Variants in PRRC2B observed in about 807,000 individuals in gnomAD.
PRRC2B encodes proline rich coiled-coil 2B.
A neutral mutation model predicts 242.3 loss-of-function variants in PRRC2B; 68 were observed. The ratio of observed to expected loss-of-function variants is 0.28; its 90% CI spans 0.23 to 0.34. The LOEUF is 0.34. Ranked by LOEUF, PRRC2B falls within the 10% of genes least tolerant of loss-of-function variation. PRRC2B has a pLI of 1.00. For missense variants in PRRC2B, 2,835 were observed against 2,954.8 expected (o/e 0.96, Z 0.94); for synonymous variants, 1,228 against 1,173.6 (o/e 1.05, Z -0.95).
At chr9:131,491,322 C>G (rs1944187395) in intron 28 of PRRC2B, 103 bp from the exon 29 acceptor site, 1 of 1,164,854 alleles carries the variant, frequency 8.6e-7, no homozygotes, top group African/African-American at 1.6e-5. Flanking sequence ...TTTAGTTCTT[C>G]TGAAGTGTAT....
chr9:131,404,075 C>G (rs1467165840), intron 1 of PRRC2B, among the ~76,000 whole-genome samples: 1 of 152,036 alleles, frequency 6.6e-6, no homozygotes, highest in African/African-American at 2.4e-5. Context: ...GCCACCACAC[C>G]CAGCCATTTT....
chr9:131,475,849 C>A lies in PRRC2B; in HGVS notation c.3720C>A (p.Gly1240=), dbSNP rs768780976. ...CAGGCAGCTCTTGGCAGGAATATGGCCCTTCCGACACATGCGGATCCCGGC... is the reference window on the plus strand; with the variant it reads ...CAGGCAGCTCTTGGCAGGAATATGGACCTTCCGACACATGCGGATCCCGGC... ...KSPGSSWQEY[G]PSDTCGSRRP... Residue 1240 remains glycine (G), a synonymous_variant, in exon 16 of 32, where the codon GGC becomes GGA. Transcript: ENST00000683519. 1.2e-6 allele frequency: 2 copies of A among 1,613,590 alleles called. No homozygotes were observed. Among genetic ancestry groups the A allele is most frequent in the African/African-American group, 1.3e-5 (1 of 75,030 alleles).
At chr9:131,456,472 A>G (rs1227958147) in intron 10 of PRRC2B, among the ~76,000 whole-genome samples, 1 of 152,020 alleles carries the variant, frequency 6.6e-6, no homozygotes, top group East Asian at 1.9e-4. Flanking sequence ...TCTACTAAAA[A>G]TACAAAAAAC....
chr9:131,474,763 G>A lies in PRRC2B; in HGVS notation c.2634G>A (p.Glu878=). 6.2e-7 allele frequency: 1 copy of A among 1,612,696 alleles called. No individual in the cohort carries two copies. Among genetic ancestry groups the A allele is most frequent in the Non-Finnish European group, 8.5e-7 (1 of 1,179,602 alleles). ...GTTGGGATGTTAGCCACCAGCCAGA[G>A]ACCGCTGACACAGCCCATGGTGTTG... ...CGSWDVSHQP[E]TADTAHGVER... The change falls in exon 16 of 32, where the codon GAG becomes GAA. Residue 878 remains glutamate (E), a synonymous_variant. Coordinates refer to ENST00000683519, the MANE Select transcript of PRRC2B (RefSeq NM_013318.4).
intron 1 of PRRC2B, among the ~76,000 whole-genome samples, chr9:131,420,463 T>TTCTTTCTCTCTTTCTC (rs1564278495): frequency 1.1e-4 from 1 of 9,362 alleles, no homozygotes; most frequent in Non-Finnish European, 3.8e-4. Context: ...TTTTCTTTCT[T>TTCTTTCTCTCTTTCTC]TCTTTCTTTC....
chr9:131,491,976 G>A (rs895290238), intron 29 of PRRC2B, among the ~76,000 whole-genome samples, 193 bp from the exon 30 acceptor site: 2 of 152,240 alleles, frequency 1.3e-5, no homozygotes, highest in Admixed American at 1.3e-4. Context: ...CCGGGCTGCA[G>A]AGCTGTACTG....
chr9:131,478,340 C>T (rs1943763012), intron 17 of PRRC2B, 134 bp from the exon 18 acceptor site: 2 of 851,452 alleles, frequency 2.3e-6, no homozygotes, highest in Non-Finnish European at 3.8e-6. Flanking sequence ...TCAGAGGCGG[C>T]CTGAGAAAAG....
intron 1 of PRRC2B, among the ~76,000 whole-genome samples, chr9:131,376,046 CAAAAAA>C (rs56400904): frequency 1.4e-5 from 1 of 72,976 alleles, no homozygotes; most frequent in East Asian, 5.1e-4. Flanking sequence ...GAGACTGTCT[CAAAAAA>C]AAAAAAAAAA....
intron 1 of PRRC2B, among the ~76,000 whole-genome samples, chr9:131,406,834 C>G (rs1022237356): frequency 6.6e-6 from 1 of 151,962 alleles, no homozygotes; most frequent in African/African-American, 2.4e-5. Context: ...AAACATCAAG[C>G]TCCAGAAGTG....
In PRRC2B at chr9:131,465,078, G is replaced by T. The variant is rs754680059; in HGVS notation, c.1720G>T (p.Gly574Cys). 6.2e-7 allele frequency: 1 copy of T among 1,607,956 alleles called. No homozygotes were observed. Among genetic ancestry groups the T allele is most frequent in the South Asian group, 1.1e-5 (1 of 90,762 alleles). ...GGAAAACGGCCCTGCTGTCCACAAA[G>T]GTAAGAGCTGGGCCGTCTTCCCACC... ...PQENGPAVHK[G>C]SPEFPAQETP... is the part of the protein sequence containing the mutation. The change falls in exon 12 of 32, where the codon GGC (glycine) becomes TGC (cysteine). Residue 574 changes from glycine (G) to cysteine (C), a missense_variant and splice_region_variant. Coordinates refer to ENST00000683519, the MANE Select transcript of PRRC2B (RefSeq NM_013318.4).
chr9:131,380,013 G>A (rs1269255226), intron 1 of PRRC2B, among the ~76,000 whole-genome samples: 1 of 141,650 alleles, frequency 7.1e-6, no homozygotes, highest in Non-Finnish European at 1.5e-5. Flanking sequence ...TTTTTTTTGA[G>A]ATGGAATCTC....
chr9:131,422,086 C>A (rs994240269), intron 1 of PRRC2B, among the ~76,000 whole-genome samples: 1 of 152,026 alleles, frequency 6.6e-6, no homozygotes, highest in Non-Finnish European at 1.5e-5. Context: ...ATGGGTGTCT[C>A]ACTCTGTTCC....
chr9:131,474,880 A>G lies in PRRC2B; in HGVS notation c.2751A>G (p.Glu917=). ...SPNKQPSSEP[E]WTPEPRSSSS... Reference sequence around the variant, plus strand: ...ACAAACAGCCATCCTCGGAGCCTGAATGGACTCCCGAGCCCCGGAGCTCCA... The same window carrying G: ...ACAAACAGCCATCCTCGGAGCCTGAGTGGACTCCCGAGCCCCGGAGCTCCA... Residue 917 remains glutamate (E), a synonymous_variant, in exon 16 of 32, where the codon GAA becomes GAG. Coordinates refer to ENST00000683519, the MANE Select transcript of PRRC2B (RefSeq NM_013318.4). 1.2e-6 allele frequency: 2 copies of G among 1,600,794 alleles called. No individual in the cohort carries two copies. Among genetic ancestry groups the G allele is most frequent in the Non-Finnish European group, 1.7e-6 (2 of 1,174,446 alleles).
intron 14 of PRRC2B, 21 bp downstream of exon 14, chr9:131,471,004 G>A (rs997620733): frequency 6.4e-7 from 1 of 1,563,586 alleles, no homozygotes; most frequent in Non-Finnish European, 8.8e-7. Context: ...TGGTCTGACG[G>A]TCCATACCTG....
chr9:131,485,272 C>T, intron 25 of PRRC2B, 132 bp downstream of exon 25: 1 of 742,602 alleles, frequency 1.3e-6, no homozygotes, highest in Non-Finnish European at 2.1e-6. Context: ...TGTTTTTAGG[C>T]CCAGTGGTCG....
chr9:131,393,768 C>T (rs1836949546), upstream of PRRC2B, among the ~76,000 whole-genome samples: 1 of 151,222 alleles, frequency 6.6e-6, no homozygotes, highest in Admixed American at 6.6e-5. Context: ...CAGGCCCCTT[C>T]TCTTGGCTCC....
At chr9:131,420,500 T>TCTTTC (rs1380661357) in intron 1 of PRRC2B, among the ~76,000 whole-genome samples, 2 of 96,400 alleles carry the variant, frequency 2.1e-5, no homozygotes, top group African/African-American at 7.9e-5. Flanking sequence ...TTTCTTTTTT[T>TCTTTC]TTTTTTTTTT....
rs1357018206 is a variant in PRRC2B at position 131,476,519 on chromosome 9, C to T, written c.4390C>T (p.Pro1464Ser). 1.9e-6 allele frequency: 3 copies of T among 1,593,262 alleles called. No homozygotes were observed. The South Asian group carries it at 3.4e-5, about 18-fold the overall frequency. Residue 1464 changes from proline (P) to serine (S), a missense_variant, in exon 16 of 32, where the codon CCT becomes TCT. This residue lies in a region of PRRC2B where 1,536 missense variants were observed against 1,483.1 expected (regional missense o/e 1.04). Coordinates refer to ENST00000683519, the MANE Select transcript of PRRC2B (RefSeq NM_013318.4). ...PRYESQQNGT[P>S]LKVKRSPDEA... The stretch of plus-strand genomic sequence containing the variant: ...CTATGAGAGCCAACAGAATGGGACG[C>T]CTTTGAAAGTGAAAAGGTAAAACCA...
rs1944353266 is a variant in PRRC2B, at chr9:131,497,039, T to G, written c.*1165T>G. 6.6e-6 allele frequency: 1 copy of G among 152,332 alleles called. No individual in the cohort carries two copies. The highest frequency in any genetic ancestry group is 1.5e-5 in the Non-Finnish European group (1 of 68,090). The allele number at this position is 152,332 out of a possible 1,614,324, so 9.4% of individuals were successfully genotyped here. On this transcript the variant is annotated 3_prime_UTR_variant, in exon 32 of 32. Coordinates refer to ENST00000683519, the MANE Select transcript of PRRC2B (RefSeq NM_013318.4). ...CCACACAGCTCATCGTGAACACCAC[T>G]TGGTGATGGAGGGAGTGGACCCGTG...
Sources: gnomAD v4.1 joint callset for allele counts (sites outside exome capture counted in the v4.1 genomes callset) on GRCh38, gnomAD v4.1.1 for gene constraint, gnomAD v4.1.1 regional missense constraint, MANE v1.5 for transcripts, NCBI Gene and HGNC (gene_info 2026-07-23, HGNC 2026-07-21) for gene names.